The following SLC6A3 variants were observed in gnomAD, a reference collection of about 807,000 sequenced individuals.
The protein encoded by SLC6A3 is solute carrier family 6 member 3.
In SLC6A3, 19 loss-of-function variants were observed where a neutral mutation model predicts 70.4. The ratio of observed to expected loss-of-function variants is 0.27; its 90% CI spans 0.19 to 0.40. SLC6A3 has a LOEUF of 0.40. SLC6A3 is among the 10% of genes least tolerant of loss of function. The pLI, the probability that SLC6A3 is intolerant of heterozygous loss-of-function variation, is 1.00. For missense variants in SLC6A3, 613 were observed against 838.5 expected (o/e 0.73, Z 3.32); for synonymous variants, 368 against 356.6 (o/e 1.03, Z -0.36).
chr5:1,430,817 C>T (rs1756683001), intron 4 of SLC6A3, among the ~76,000 whole-genome samples: 1 of 2,422 alleles, frequency 4.1e-4, no homozygotes, highest in Admixed American at 2.3e-3. Context: ...CTTGTACAAA[C>T]TTAACATGAG....
At position 1,422,074 on chromosome 5, in the gene SLC6A3, C is replaced by T. The variant is rs116068261; in HGVS notation, c.654-60G>A. 2,851 of 1,572,508 alleles carry T rather than the reference C, an allele frequency of 1.8e-3. 45 individuals carry two copies. In the African/African-American group the frequency reaches 0.034, roughly 19 times the overall value. ...GGCTGTCAACCCACCTGGAACTGGA[C>T]GGCTGAGCTTGTCCGGGGACCTGCC... On this transcript the variant is annotated intron_variant, in intron 4 of 14. Coordinates refer to ENST00000270349, the MANE Select transcript of SLC6A3 (RefSeq NM_001044.5).
In SLC6A3 at chr5:1,421,823, TC is replaced by T; in HGVS notation, c.792+52del. 14 of 1,600,078 alleles carry T rather than the reference TC, an allele frequency of 8.7e-6. No individual in the cohort carries two copies. Among genetic ancestry groups the T allele is most frequent in the Non-Finnish European group, 9.4e-6 (11 of 1,168,998 alleles). On this transcript the variant is annotated intron_variant, in intron 5 of 14. Coordinates refer to ENST00000270349, the MANE Select transcript of SLC6A3 (RefSeq NM_001044.5). This position sits in a 1 kb window ranked among gnomAD's most constrained non-coding sequence, Gnocchi z 7.2. The stretch of plus-strand genomic sequence containing the variant: ...CCTCCTGTCCAGCCACGGCCACATG[TC>T]CACTTGGTGGCCCCATGTCTACAGG...
chr5:1,403,181 T>C, intron 12 of SLC6A3, 92 bp from the exon 13 acceptor site: 1 of 1,414,408 alleles, frequency 7.1e-7, no homozygotes, highest in South Asian at 1.2e-5. Flanking sequence ...GCAGAGCGTC[T>C]CTCAGCCCCC....
In SLC6A3 at chr5:1,405,894, C is replaced by T. The variant is rs559067723; in HGVS notation, c.1599+294G>A. 5.2e-4 allele frequency among the ~76,000 whole-genome samples: 79 copies of T among 152,350 alleles called. No homozygotes were observed. Among genetic ancestry groups the T allele is most frequent in the Non-Finnish European group, 9.4e-4 (64 of 68,026 alleles). On this transcript the variant is annotated intron_variant, in intron 12 of 14. Transcript: ENST00000270349. This position sits in a 1 kb window ranked among gnomAD's most constrained non-coding sequence, Gnocchi z 5.3. The stretch of plus-strand genomic sequence containing the variant: ...GGTGAGTGGACAGCCCGACTCACCT[C>T]CAGCTTCCCCTCCCAACACAGAGGC...
chr5:1,414,237 C>G (rs1340769506), intron 8 of SLC6A3, among the ~76,000 whole-genome samples: 2 of 151,726 alleles, frequency 1.3e-5, no homozygotes, highest in African/African-American at 4.8e-5. Flanking sequence ...CCCTCAGTGA[C>G]AGCATCTACG....
intron 8 of SLC6A3, among the ~76,000 whole-genome samples, chr5:1,412,685 C>T (rs1340190849): frequency 2.0e-5 from 3 of 152,194 alleles, no homozygotes; most frequent in Non-Finnish European, 4.4e-5. Flanking sequence ...GGCACCATCT[C>T]CCAAGCCCAA....
At chr5:1,444,289 C>T (rs370854493) in intron 1 of SLC6A3, among the ~76,000 whole-genome samples, 3 of 152,124 alleles carry the variant, frequency 2.0e-5, no homozygotes, top group Non-Finnish European at 2.9e-5. Context: ...GCGTCTACAC[C>T]GCCCCAGCCA....
rs987946450 is a variant in SLC6A3, at chr5:1,442,082, A to G, written c.287-592T>C. Among the ~76,000 whole-genome samples, 3 of 151,884 alleles carry G rather than the reference A, an allele frequency of 2.0e-5. No homozygotes were observed. In the South Asian group the frequency reaches 6.2e-4, roughly 32 times the overall value. ...CAAAGCCCAGGGAACCCTGGTCTCA[A>G]CCTCCTAAATTCCCTCTGCTCCCCT... On this transcript the variant is annotated intron_variant, in intron 2 of 14. Transcript: ENST00000270349. This position sits in a 1 kb window ranked among gnomAD's most constrained non-coding sequence, Gnocchi z 5.0.
chr5:1,424,687 C>A (rs971678759), intron 4 of SLC6A3, among the ~76,000 whole-genome samples: 4 of 152,268 alleles, frequency 2.6e-5, no homozygotes, highest in African/African-American at 9.6e-5. Context: ...CTGCCCCACT[C>A]AGGGCCTTCT....
chr5:1,410,215 A>G (rs1756083727), intron 9 of SLC6A3, among the ~76,000 whole-genome samples: 1 of 152,072 alleles, frequency 6.6e-6, no homozygotes, highest in Admixed American at 6.5e-5. Flanking sequence ...CCCCCACACA[A>G]AGCTTTCAGC....
At chr5:1,417,228 A>G (rs1445190329) in intron 6 of SLC6A3, among the ~76,000 whole-genome samples, 1 of 151,978 alleles carries the variant, frequency 6.6e-6, no homozygotes, top group Non-Finnish European at 1.5e-5. Context: ...CACAAGCTGC[A>G]TGATGGCGGC....
In SLC6A3 at chr5:1,416,341, C is replaced by T. The variant is rs984113313; in HGVS notation, c.928-140G>A. ...TCCTCAAGAAGTAAATGGCAGCAGA[C>T]GACTGGTGGAAGATGCAGCCTCAGG... On this transcript the variant is annotated intron_variant, in intron 6 of 14. Coordinates refer to ENST00000270349, the MANE Select transcript of SLC6A3 (RefSeq NM_001044.5). 7.4e-5 allele frequency: 52 copies of T among 705,678 alleles called. No homozygotes were observed. In the East Asian group the frequency reaches 7.8e-4, roughly 11 times the overall value. 43.7% of individuals were successfully genotyped at this position (705,678 alleles called of 1,614,324 possible).
Position 1,405,976 on chromosome 5 carries a change from G to GT in SLC6A3, c.1599+211dup, listed in dbSNP as rs372346890. On this transcript the variant is annotated intron_variant, in intron 12 of 14. Transcript: ENST00000270349. This position sits in a 1 kb window ranked among gnomAD's most constrained non-coding sequence, Gnocchi z 5.3. The stretch of plus-strand genomic sequence containing the variant: ...TGACAGGGGTCCAAGACCATGTGAG[G>GT]TTTTTTCGGTGGGTCTAGAGGGGAG... 6.6e-6 allele frequency among the ~76,000 whole-genome samples: 1 copy of GT among 152,184 alleles called. No homozygotes were observed. Among genetic ancestry groups the GT allele is most frequent in the Non-Finnish European group, 1.5e-5 (1 of 68,024 alleles).
Position 1,442,763 on chromosome 5 carries a change from A to G in SLC6A3, c.286+149T>C, listed in dbSNP as rs1733708638. Reference sequence around the variant, plus strand: ...CAATGGTTTTGTGACATCCTCTGGGAGGATCTGCACCGGCCGTGAGCTCTC... The same window carrying G: ...CAATGGTTTTGTGACATCCTCTGGGGGGATCTGCACCGGCCGTGAGCTCTC... On this transcript the variant is annotated intron_variant, in intron 2 of 14. Transcript: ENST00000270349. The surrounding 1 kb of genome is among the most constrained non-coding windows in gnomAD (Gnocchi z 5.0). The G allele has an allele frequency of 5.1e-6, 4 of 783,988 alleles. No individual in the cohort carries two copies. Among genetic ancestry groups the G allele is most frequent in the African/African-American group, 1.7e-5 (1 of 58,952 alleles). The allele number at this position is 783,988 out of a possible 1,614,324, so 48.6% of individuals were successfully genotyped here. A position where few individuals can be genotyped will look rare whatever the true frequency, so the allele number is the denominator to read the frequency against.
chr5:1,412,887 G>C (rs1393016946), intron 8 of SLC6A3, among the ~76,000 whole-genome samples: 1 of 152,224 alleles, frequency 6.6e-6, no homozygotes, highest in Non-Finnish European at 1.5e-5. Context: ...CAGATACCCT[G>C]GTGGATGGGG....
chr5:1,416,575 A>G (rs998780330), intron 6 of SLC6A3: 26 of 378,174 alleles, frequency 6.9e-5, no homozygotes, highest in Non-Finnish European at 8.1e-5. Context: ...GCACGGCCTC[A>G]TCTACACAAA....
intron 10 of SLC6A3, 62 bp downstream of exon 10, chr5:1,409,659 G>T (rs1401601818): frequency 1.2e-6 from 2 of 1,600,432 alleles, no homozygotes; most frequent in South Asian, 2.2e-5. Flanking sequence ...CAGCCAGGGC[G>T]CCCCGTGCCA....
rs769724577 is a variant in SLC6A3 at position 1,396,062 on chromosome 5, G to A, written c.1840-1304C>T. Among the ~76,000 whole-genome samples the A allele has an allele frequency of 8.5e-5, 13 of 152,282 alleles. No homozygotes were observed. The highest frequency in any genetic ancestry group is 2.4e-4 in the African/African-American group (10 of 41,532). The stretch of plus-strand genomic sequence containing the variant: ...GGGGACTCTCAGAAAAGTGACACAC[G>A]CACATCACAGTGATGAGAATTTCAC... On this transcript the variant is annotated intron_variant, in intron 14 of 14. Transcript: ENST00000270349. This position sits in a 1 kb window ranked among gnomAD's most constrained non-coding sequence, Gnocchi z 7.0.
chr5:1,393,367 C>A lies in SLC6A3; in HGVS notation c.*1368G>T, dbSNP rs1560901310. 6.5e-6 allele frequency: 1 copy of A among 152,730 alleles called. No homozygotes were observed. Among genetic ancestry groups the A allele is most frequent in the Non-Finnish European group, 1.5e-5 (1 of 68,174 alleles). 9.5% of individuals were successfully genotyped at this position (152,730 alleles called of 1,614,324 possible). On this transcript the variant is annotated 3_prime_UTR_variant, in exon 15 of 15. Coordinates refer to ENST00000270349, the MANE Select transcript of SLC6A3 (RefSeq NM_001044.5). ...CAGTATTGCTAATTATTCTTGTAAA[C>A]AAAAACTGCAATATCAGCAAGCAGG...
Sources: gnomAD v4.1 joint callset for allele counts (sites outside exome capture counted in the v4.1 genomes callset) on GRCh38, gnomAD v4.1.1 for gene constraint, Gnocchi (gnomAD v3.1) non-coding constraint, MANE v1.5 for transcripts, NCBI Gene and HGNC (gene_info 2026-07-23, HGNC 2026-07-21) for gene names.